The following IL1RAPL1 variants were observed in gnomAD, a reference collection of about 807,000 sequenced individuals.
The protein encoded by IL1RAPL1 is interleukin-1 receptor accessory protein-like 1.
In IL1RAPL1, 3 loss-of-function variants were observed where a neutral mutation model predicts 48.4. That is an observed-to-expected ratio of 0.06 (90% CI 0.03 to 0.16). The LOEUF is 0.16. Among genes scored for constraint, IL1RAPL1 ranks in the 10% least tolerant of loss-of-function variants. IL1RAPL1 has a pLI of 1.00. For missense variants in IL1RAPL1, 349 were observed against 530.6 expected (o/e 0.66, Z 3.36); for synonymous variants, 185 against 187.7 (o/e 0.99, Z 0.12).
At chrX:29,083,646 T>C (rs1434817235) in intron 2 of IL1RAPL1, among the ~76,000 whole-genome samples, 1 of 111,789 alleles carries the variant, frequency 8.9e-6, no homozygotes, top group Non-Finnish European at 1.9e-5. Context: ...TGAACTGTTC[T>C]GTTACTGCAA....
chrX:29,530,715 C>G (rs146434808), intron 5 of IL1RAPL1, among the ~76,000 whole-genome samples: 1,512 of 112,108 alleles, frequency 0.013, 31 homozygotes, highest in African/African-American at 0.047. Context: ...CTCACAGAAT[C>G]TGCTGCTTTG....
rs138597002 is a variant in IL1RAPL1, at chrX:29,481,429, G to A, written c.703+82121G>A. 5.4e-3 allele frequency among the ~76,000 whole-genome samples: 609 copies of A among 112,620 alleles called. 3 individuals are homozygous for A. Among genetic ancestry groups the A allele is most frequent in the African/African-American group, 0.019 (581 of 31,011 alleles). Reference sequence around the variant, plus strand: ...CAGAGAGGGTGTTTCAAGAATTTTGGCAAAGACTCACACTTGAGGACCAAG... The same window carrying A: ...CAGAGAGGGTGTTTCAAGAATTTTGACAAAGACTCACACTTGAGGACCAAG... On this transcript the variant is annotated intron_variant, in intron 5 of 10. Coordinates refer to ENST00000378993, the MANE Select transcript of IL1RAPL1 (RefSeq NM_014271.4).
intron 9 of IL1RAPL1, among the ~76,000 whole-genome samples, chrX:29,950,929 C>T (rs748461449): frequency 9.0e-5 from 10 of 111,274 alleles, no homozygotes; most frequent in African/African-American, 3.3e-4. Flanking sequence ...CTGCCTGCCT[C>T]GGCCTCCCAA....
At chrX:29,490,555 T>A (rs1404452113) in intron 5 of IL1RAPL1, among the ~76,000 whole-genome samples, 1 of 111,063 alleles carries the variant, frequency 9.0e-6, no homozygotes, top group Non-Finnish European at 1.9e-5. Context: ...AAAAAGATAA[T>A]TTGACAAAAA....
chrX:28,871,010 T>C (rs1052036932), intron 2 of IL1RAPL1, among the ~76,000 whole-genome samples: 12 of 111,682 alleles, frequency 1.1e-4, no homozygotes, highest in Non-Finnish European at 1.7e-4. Flanking sequence ...AGTCACTGAA[T>C]TAAGGAGAGA....
At chrX:29,333,620 C>G (rs1217982046) in intron 3 of IL1RAPL1, among the ~76,000 whole-genome samples, 1 of 88,484 alleles carries the variant, frequency 1.1e-5, no homozygotes, top group Non-Finnish European at 2.2e-5. Context: ...GGCGGCTGGC[C>G]GGGCAGAGGG....
chrX:28,644,554 GTTAA>G (rs1934586641), intron 1 of IL1RAPL1, among the ~76,000 whole-genome samples: 1 of 111,420 alleles, frequency 9.0e-6, no homozygotes, highest in South Asian at 3.7e-4. Context: ...TCATATATCT[GTTAA>G]TTGACTCTAA....
intron 2 of IL1RAPL1, among the ~76,000 whole-genome samples, chrX:29,056,319 G>A (rs988803149): frequency 9.0e-6 from 1 of 111,288 alleles, no homozygotes; most frequent in East Asian, 2.8e-4. Context: ...TCACAAAGTG[G>A]TAGGAAAGGA....
intron 2 of IL1RAPL1, among the ~76,000 whole-genome samples, chrX:29,203,705 G>A (rs1396493733): frequency 1.1e-5 from 1 of 94,076 alleles, no homozygotes; most frequent in Non-Finnish European, 2.0e-5. Context: ...GGCAACAAGA[G>A]CAAAACTCCG....
intron 2 of IL1RAPL1, among the ~76,000 whole-genome samples, chrX:28,852,877 CT>C (rs59748304): frequency 1.8e-4 from 19 of 103,344 alleles, no homozygotes; most frequent in South Asian, 4.3e-4. Flanking sequence ...TTGTGCTTTC[CT>C]TTTTTTTTTT....
intron 6 of IL1RAPL1, among the ~76,000 whole-genome samples, chrX:29,834,492 AT>A (rs34399580): frequency 0.12 from 8,778 of 72,453 alleles, 403 homozygotes; most frequent in African/African-American, 0.26. Flanking sequence ...AAGAAAAAGG[AT>A]TTTTTTTTTT....
intron 2 of IL1RAPL1, among the ~76,000 whole-genome samples, chrX:28,844,183 A>G (rs1390310705): frequency 9.4e-6 from 1 of 106,367 alleles, no homozygotes; most frequent in Non-Finnish European, 1.9e-5. Context: ...ATGGTCGGAA[A>G]TTCAAATTTC....
intron 3 of IL1RAPL1, among the ~76,000 whole-genome samples, chrX:29,394,730 C>T (rs766339498): frequency 9.0e-6 from 1 of 111,610 alleles, no homozygotes; most frequent in Non-Finnish European, 1.9e-5. Context: ...TAGCAAAATT[C>T]CTGAACACAC....
At chrX:28,892,315 G>C (rs1922793488) in intron 2 of IL1RAPL1, among the ~76,000 whole-genome samples, 2 of 107,950 alleles carry the variant, frequency 1.9e-5, no homozygotes, top group Non-Finnish European at 3.8e-5. Flanking sequence ...GGGCAGGAGT[G>C]GGGGTCAGAA....
At chrX:29,290,221 G>A (rs764602844) in intron 3 of IL1RAPL1, among the ~76,000 whole-genome samples, 11 of 111,773 alleles carry the variant, frequency 9.8e-5, no homozygotes, top group African/African-American at 2.9e-4. Context: ...GAATTCTGCC[G>A]AGATAGAGTA....
intron 5 of IL1RAPL1, among the ~76,000 whole-genome samples, chrX:29,576,317 C>T (rs1332638416): frequency 8.9e-6 from 1 of 111,776 alleles, no homozygotes; most frequent in African/African-American, 3.3e-5. Flanking sequence ...CTATTTTAGC[C>T]CTTGACCTTA....
intron 1 of IL1RAPL1, among the ~76,000 whole-genome samples, chrX:28,614,283 GA>G (rs1323774128): frequency 1.8e-5 from 2 of 110,497 alleles, no homozygotes; most frequent in East Asian, 2.8e-4. Context: ...TTGACCAAAT[GA>G]AAAAACTTGG....
chrX:29,282,114 G>C (rs992454884), intron 2 of IL1RAPL1, among the ~76,000 whole-genome samples: 11 of 111,532 alleles, frequency 9.9e-5, no homozygotes, highest in African/African-American at 2.9e-4. Flanking sequence ...TCATCTCCAC[G>C]TACTGTCATA....
At chrX:29,448,899 A>G (rs555263327) in intron 5 of IL1RAPL1, among the ~76,000 whole-genome samples, 185 of 111,163 alleles carry the variant, frequency 1.7e-3, no homozygotes, top group Non-Finnish European at 3.0e-3. Flanking sequence ...TCATTCTCAC[A>G]TGGCGGAGAA....
Sources: allele counts gnomAD v4.1 joint callset (sites outside exome capture counted in the v4.1 genomes callset), GRCh38; gene constraint gnomAD v4.1.1; transcripts MANE v1.5; gene names NCBI Gene and HGNC (gene_info 2026-07-23, HGNC 2026-07-21).